The following RYK variants were observed in gnomAD, a reference collection of about 807,000 sequenced individuals.
The protein encoded by RYK is receptor like tyrosine kinase.
In RYK, 21 loss-of-function variants were observed where a neutral mutation model predicts 70.2. The ratio of observed to expected loss-of-function variants is 0.30; its 90% CI spans 0.21 to 0.43. RYK has a LOEUF of 0.43. RYK is among the 20% of genes least tolerant of loss of function. RYK has a pLI of 1.00. For synonymous variants in RYK, 267 were observed against 278.0 expected (o/e 0.96, Z 0.39); for missense variants, 604 against 753.3 (o/e 0.80, Z 2.32).
At chr3:134,168,336 G>GCA (rs2012763497) in intron 13 of RYK, among the ~76,000 whole-genome samples, 2 of 152,134 alleles carry the variant, frequency 1.3e-5, no homozygotes, top group African/African-American at 2.4e-5. Context: ...GTTTATTGAG[G>GCA]CACTATTCAC....
intron 1 of RYK, among the ~76,000 whole-genome samples, chr3:134,232,274 C>CAG (rs2015075970): frequency 6.6e-6 from 1 of 152,140 alleles, no homozygotes; most frequent in South Asian, 2.1e-4. Flanking sequence ...TTTCCACTTT[C>CAG]ACCCACCACA....
At chr3:134,204,630 C>T (rs2014149514) in intron 5 of RYK, among the ~76,000 whole-genome samples, 3 of 151,308 alleles carry the variant, frequency 2.0e-5, no homozygotes, top group Admixed American at 6.6e-5. Flanking sequence ...CACACACACG[C>T]AGAAGCAAAC....
intron 9 of RYK, among the ~76,000 whole-genome samples, chr3:134,185,296 T>C (rs12488358): frequency 0.085 from 12,968 of 152,258 alleles, 1,148 homozygotes; most frequent in South Asian, 0.32. Flanking sequence ...ATTCAGATAC[T>C]ATGATTGTCA....
intron 6 of RYK, among the ~76,000 whole-genome samples, chr3:134,199,833 A>G (rs948712024): frequency 6.6e-6 from 1 of 152,118 alleles, no homozygotes; most frequent in Non-Finnish European, 1.5e-5. Context: ...TTTTCTGTCT[A>G]GCTAAAGGAT....
chr3:134,169,555 T>C (rs1438600946), intron 13 of RYK, among the ~76,000 whole-genome samples: 2 of 152,204 alleles, frequency 1.3e-5, no homozygotes, highest in Admixed American at 1.3e-4. Flanking sequence ...GCATAGTTCT[T>C]AAGCTCAACA....
In RYK at chr3:134,243,441, A is replaced by G. The variant is rs550922981; in HGVS notation, c.232+6982T>C. On this transcript the variant is annotated intron_variant, in intron 1 of 14. Transcript: ENST00000623711. ...CACTGGGGCCAAAGTTATCTTCCCTATAACCCAGACCTGACTGCGCACTCT... is the reference window on the plus strand; with the variant it reads ...CACTGGGGCCAAAGTTATCTTCCCTGTAACCCAGACCTGACTGCGCACTCT... Among the ~76,000 whole-genome samples, 165 of 152,296 alleles carry G rather than the reference A, an allele frequency of 1.1e-3. 3 individuals carry two copies. The highest frequency in any genetic ancestry group is 3.8e-3 in the African/African-American group (158 of 41,560).
At chr3:134,216,290 G>C (rs933010087) in intron 2 of RYK, among the ~76,000 whole-genome samples, 6 of 151,996 alleles carry the variant, frequency 3.9e-5, no homozygotes, top group African/African-American at 1.5e-4. Context: ...GAACTTACTA[G>C]AAGTAATGCC....
chr3:134,230,328 G>A (rs1190441712), intron 1 of RYK, among the ~76,000 whole-genome samples: 2 of 152,130 alleles, frequency 1.3e-5, no homozygotes, highest in Non-Finnish European at 2.9e-5. Context: ...TGATCCATCC[G>A]CCTCGGCCTC....
chr3:134,157,306 GA>G lies in RYK; in HGVS notation c.*846del, dbSNP rs1421921522. 2 of 152,426 alleles carry G rather than the reference GA, an allele frequency of 1.3e-5. No individual in the cohort carries two copies. Among genetic ancestry groups the G allele is most frequent in the African/African-American group, 4.8e-5 (2 of 41,442 alleles). The allele number at this position is 152,426 out of a possible 1,614,324, so 9.4% of individuals were successfully genotyped here. A position where few individuals can be genotyped will look rare whatever the true frequency, so the allele number is the denominator to read the frequency against. ...GCACTATTCTAGGTGCAATAAAAGG[GA>G]ATCTTAACCTTAGAAATATGAGTTC... On this transcript the variant is annotated 3_prime_UTR_variant, in exon 15 of 15. Transcript: ENST00000623711.
intron 13 of RYK, among the ~76,000 whole-genome samples, chr3:134,167,834 G>A (rs1446912907): frequency 1.3e-5 from 2 of 152,140 alleles, no homozygotes; most frequent in Non-Finnish European, 2.9e-5. Context: ...AGAGTGAACA[G>A]GCAACCTACA....
At chr3:134,186,343 A>T (rs1302709674) in intron 9 of RYK, among the ~76,000 whole-genome samples, 2 of 152,276 alleles carry the variant, frequency 1.3e-5, no homozygotes, top group African/African-American at 4.8e-5. Context: ...CTAAAGGCAA[A>T]GGTCAGTGCT....
chr3:134,214,922 C>T (rs1312387368), intron 2 of RYK, among the ~76,000 whole-genome samples: 1 of 152,198 alleles, frequency 6.6e-6, no homozygotes, highest in Admixed American at 6.5e-5. Flanking sequence ...TCCTTCAATC[C>T]TAGTACACTA....
chr3:134,216,264 G>A (rs1488762457), intron 2 of RYK, among the ~76,000 whole-genome samples: 1 of 152,074 alleles, frequency 6.6e-6, no homozygotes, highest in African/African-American at 2.4e-5. Flanking sequence ...CAGCCAAATA[G>A]CCTTTTAATT....
chr3:134,209,611 C>T lies in RYK; in HGVS notation c.589+84G>A, dbSNP rs1390743013. ...CAACTATAATCATGAGTTGGACATA[C>T]TTAAATCTGTGAAAAAACAACAAAC... On this transcript the variant is annotated intron_variant, in intron 4 of 14. Coordinates refer to ENST00000623711, the MANE Select transcript of RYK (RefSeq NM_002958.4). The T allele has an allele frequency of 5.7e-6, 6 of 1,057,534 alleles. No homozygotes were observed. The East Asian group carries it at 1.5e-4, about 27-fold the overall frequency. 65.5% of individuals were successfully genotyped at this position (1,057,534 alleles called of 1,614,324 possible).
chr3:134,204,477 T>C (rs373521532), intron 5 of RYK, among the ~76,000 whole-genome samples: 14 of 151,854 alleles, frequency 9.2e-5, no homozygotes, highest in African/African-American at 3.1e-4. Context: ...CCAGCCTGGG[T>C]GACAAAGCAA....
chr3:134,190,542 T>C (rs1276948045), intron 8 of RYK, among the ~76,000 whole-genome samples: 1 of 152,086 alleles, frequency 6.6e-6, no homozygotes, highest in Non-Finnish European at 1.5e-5. Context: ...TTTTACTTTT[T>C]CACAAACTAA....
chr3:134,250,513 GGGC>G lies in RYK; in HGVS notation c.139_141del (p.Ala47del). 1 of 1,241,022 alleles carries G rather than the reference GGGC, an allele frequency of 8.1e-7. No individual in the cohort carries two copies. The highest frequency in any genetic ancestry group is 1.0e-6 in the Non-Finnish European group (1 of 990,518). The allele number at this position is 1,241,022 out of a possible 1,614,324, so 76.9% of individuals were successfully genotyped here. A position where few individuals can be genotyped will look rare whatever the true frequency, so the allele number is the denominator to read the frequency against. ...TGCAGCTCCGGGGGCCGCGGGGCGG[GGGC>G]GGCGGCAGCGCCAGGCGCGGGCAGC... is the stretch of plus-strand genomic sequence containing the variant. On this transcript the variant is annotated inframe_deletion, in exon 1 of 15. Transcript: ENST00000623711.
chr3:134,207,307 A>C (rs531943418), intron 5 of RYK, among the ~76,000 whole-genome samples, 165 bp downstream of exon 5: 21 of 152,352 alleles, frequency 1.4e-4, no homozygotes, highest in African/African-American at 4.8e-4. Flanking sequence ...ATATTCTAAC[A>C]GTTTCATGAC....
chr3:134,245,026 C>T (rs1435528098), intron 1 of RYK, among the ~76,000 whole-genome samples: 1 of 152,206 alleles, frequency 6.6e-6, no homozygotes, highest in African/African-American at 2.4e-5. Flanking sequence ...CCTGGACTTC[C>T]CAGCCTCCAA....
Sources: gnomAD v4.1 joint callset for allele counts (sites outside exome capture counted in the v4.1 genomes callset) on GRCh38, gnomAD v4.1.1 for gene constraint, MANE v1.5 for transcripts, NCBI Gene and HGNC (gene_info 2026-07-23, HGNC 2026-07-21) for gene names.